The following OR3A2 variants were observed in gnomAD, a reference collection of about 807,000 sequenced individuals.
OR3A2 encodes olfactory receptor 3A2.
For missense variants in OR3A2, 318 were observed against 392.8 expected, an observed-to-expected ratio of 0.81 and a Z score of 1.61; for synonymous variants, 126 against 159.3, an observed-to-expected ratio of 0.79 and a Z score of 1.57.
rs920454841 is a variant in OR3A2, at chr17:3,327,891, G to A, written c.-85+8142C>T. ...TAGACATGCGGTGTTATTTCTGAGG[G>A]CTCTGTTCTGTTCCATTGACCTATA... On this transcript the variant is annotated intron_variant, in intron 3 of 4. Coordinates refer to the OR3A2 transcript ENST00000573491. 4.0e-3 allele frequency among the ~76,000 whole-genome samples: 527 copies of A among 131,874 alleles called. 41 individuals carry two copies. The highest frequency in any genetic ancestry group is 0.016 in the African/African-American group (501 of 31,974). 86.5% of individuals were successfully genotyped at this position (131,874 alleles called of 152,430 possible).
rs139348812 is a variant in OR3A2, at chr17:3,311,075, T to C, written c.-85+24958A>G. The C allele has an allele frequency of 6.2e-5, 34 of 545,084 alleles. No individual in the cohort carries two copies. The highest frequency in any genetic ancestry group is 2.3e-4 in the Admixed American group (12 of 51,962). 33.8% of individuals were successfully genotyped at this position (545,084 alleles called of 1,614,324 possible). On this transcript the variant is annotated intron_variant, in intron 3 of 4. Coordinates refer to the OR3A2 transcript ENST00000573491. This position sits in a 1 kb window ranked among gnomAD's most constrained non-coding sequence, Gnocchi z 4.6. ...ACCTCACTGTGGTGGGCATCTTCTATGGGACGGGCGTCTTCAGCTACACAA... is the reference window on the plus strand; with the variant it reads ...ACCTCACTGTGGTGGGCATCTTCTACGGGACGGGCGTCTTCAGCTACACAA...
intron 2 of OR3A2, among the ~76,000 whole-genome samples, chr17:3,356,488 T>C (rs2049466667): frequency 2.6e-5 from 4 of 151,522 alleles, no homozygotes; most frequent in Non-Finnish European, 1.5e-5. Context: ...TTGAAGGATA[T>C]TTTAGCAACC....
chr17:3,380,465 T>C (rs230407), intron 2 of OR3A2, among the ~76,000 whole-genome samples: 3,073 of 152,248 alleles, frequency 0.02, 111 homozygotes, highest in African/African-American at 0.068. Context: ...CTAGGAATCA[T>C]TGCCAGCTGC....
At chr17:3,378,404 G>C (rs1439850331) in intron 2 of OR3A2, among the ~76,000 whole-genome samples, 1 of 152,228 alleles carries the variant, frequency 6.6e-6, no homozygotes, top group African/African-American at 2.4e-5. Flanking sequence ...CCTGGAGCAG[G>C]TGCCAGGAGT....
At chr17:3,278,129 C>A (rs753048505) in exon 2 of OR3A2, 2 of 1,614,138 alleles carry the variant, frequency 1.2e-6, no homozygotes, top group Non-Finnish European at 1.7e-6. Flanking sequence ...AACCCAGTCT[C>A]ATGTAGTTGA....
At chr17:3,277,999 T>G (rs1270998328) in exon 2 of OR3A2, 6 of 1,601,146 alleles carry the variant, frequency 3.7e-6, no homozygotes, top group Non-Finnish European at 5.1e-6. Context: ...CCCAAAAATA[T>G]TTGCCACAGA....
At chr17:3,340,887 AGTGTGG>A (rs2049311555) in intron 2 of OR3A2, among the ~76,000 whole-genome samples, 1 of 152,092 alleles carries the variant, frequency 6.6e-6, no homozygotes, top group Non-Finnish European at 1.5e-5. Flanking sequence ...CCATTATTAA[AGTGTGG>A]GAGTCTAAGT....
chr17:3,277,286 A>G (rs1370038682), exon 2 of OR3A2: 1 of 152,220 alleles, frequency 6.6e-6, no homozygotes, highest in Non-Finnish European at 1.5e-5. Context: ...TGAAAGGCAA[A>G]CAAATGAATG....
intron 3 of OR3A2, among the ~76,000 whole-genome samples, chr17:3,330,080 T>C (rs1175656829): frequency 6.9e-6 from 1 of 145,640 alleles, no homozygotes; most frequent in East Asian, 1.9e-4. Context: ...TGAGAGATAG[T>C]TTGTTATAAT....
chr17:3,383,308 C>A (rs1471630694), intron 2 of OR3A2, among the ~76,000 whole-genome samples: 1 of 152,198 alleles, frequency 6.6e-6, no homozygotes, highest in African/African-American at 2.4e-5. Flanking sequence ...TGGCCTATCT[C>A]AAGAAGCCAT....
chr17:3,384,359 A>G (rs2049762302), intron 1 of OR3A2, among the ~76,000 whole-genome samples: 1 of 152,230 alleles, frequency 6.6e-6, no homozygotes, highest in African/African-American at 2.4e-5. Flanking sequence ...AGGACAGAGC[A>G]AGGACAAGCC....
intron 2 of OR3A2, among the ~76,000 whole-genome samples, chr17:3,371,700 ACC>A (rs1284114741): frequency 8.9e-6 from 1 of 112,860 alleles, no homozygotes; most frequent in East Asian, 2.8e-4. Flanking sequence ...GGGGGTGCTG[ACC>A]CCCCCACCTC....
intron 3 of OR3A2, among the ~76,000 whole-genome samples, chr17:3,328,185 A>G (rs907286338): frequency 1.5e-4 from 20 of 129,756 alleles, no homozygotes; most frequent in Non-Finnish European, 6.3e-5. Flanking sequence ...CTTCCTACCC[A>G]TGAGCATGGA....
At chr17:3,304,766 C>T (rs1283073216) in intron 3 of OR3A2, among the ~76,000 whole-genome samples, 1 of 152,168 alleles carries the variant, frequency 6.6e-6, no homozygotes, top group Admixed American at 6.5e-5. Context: ...TAGGAGAATT[C>T]TACCAATCAT....
At chr17:3,287,895 T>C (rs2048828268), upstream of OR3A2, among the ~76,000 whole-genome samples, 1 of 151,594 alleles carries the variant, frequency 6.6e-6, no homozygotes, top group South Asian at 2.1e-4. Context: ...AATTATTGTG[T>C]TGAGACAATT....
At chr17:3,358,311 T>G (rs2049480187) in intron 2 of OR3A2, among the ~76,000 whole-genome samples, 1 of 151,710 alleles carries the variant, frequency 6.6e-6, no homozygotes, top group African/African-American at 2.4e-5. Context: ...TTTCTCATCT[T>G]CTGCTAGCTT....
At chr17:3,371,437 C>CA (rs2049618831) in intron 2 of OR3A2, among the ~76,000 whole-genome samples, 2 of 124,132 alleles carry the variant, frequency 1.6e-5, no homozygotes, top group East Asian at 1.6e-3. Context: ...CCCCCCACCT[C>CA]CCTCCCGGAC....
chr17:3,384,161 C>G (rs2049760918), intron 1 of OR3A2, among the ~76,000 whole-genome samples: 1 of 152,086 alleles, frequency 6.6e-6, no homozygotes. Context: ...GCTTTCCTGG[C>G]AAAGGGTAGG....
intron 3 of OR3A2, among the ~76,000 whole-genome samples, chr17:3,330,568 G>C (rs1357695703): frequency 6.6e-6 from 1 of 152,008 alleles, no homozygotes; most frequent in Non-Finnish European, 1.5e-5. Context: ...TTGCTTGGTA[G>C]ATCTTTCTCC....
Sources: gnomAD v4.1 joint callset for allele counts (sites outside exome capture counted in the v4.1 genomes callset) on GRCh38, gnomAD v4.1.1 for gene constraint, Gnocchi (gnomAD v3.1) non-coding constraint, MANE v1.5 for transcripts, NCBI Gene and HGNC (gene_info 2026-07-23, HGNC 2026-07-21) for gene names.